Variants in CNKSR2 observed in about 807,000 individuals in gnomAD.
CNKSR2 encodes the protein CNK homolog protein 2.
Under a neutral mutation model 84.4 loss-of-function variants are expected in CNKSR2, and 14 were observed. The ratio of observed to expected loss-of-function variants is 0.17; its 90% CI spans 0.11 to 0.26. CNKSR2 has a LOEUF of 0.26. Ranked by LOEUF, CNKSR2 falls within the 10% of genes least tolerant of loss-of-function variation. The probability of loss-of-function intolerance (pLI) is 1.00; values close to 1 mark genes in which losing one functional copy is unlikely to be tolerated. For missense variants in CNKSR2, 485 were observed against 771.2 expected (o/e 0.63, Z 4.40); for synonymous variants, 275 against 277.9 (o/e 0.99, Z 0.10).
At chrX:21,627,473 T>A (rs375825783) in intron 20 of CNKSR2, among the ~76,000 whole-genome samples, 44 of 111,369 alleles carry the variant, frequency 4.0e-4, no homozygotes, top group African/African-American at 1.4e-3. Flanking sequence ...CACTCCAGCC[T>A]GGGCGACTGA....
At chrX:21,474,661 A>T (rs2091241462) in intron 5 of CNKSR2, among the ~76,000 whole-genome samples, 1 of 111,747 alleles carries the variant, frequency 8.9e-6, no homozygotes, top group African/African-American at 3.3e-5. Context: ...TAGCTGGAGA[A>T]AAAAGTGGGC....
intron 9 of CNKSR2, among the ~76,000 whole-genome samples, chrX:21,521,057 A>G (rs1395809705): frequency 9.0e-6 from 1 of 110,536 alleles, no homozygotes; most frequent in African/African-American, 3.3e-5. Flanking sequence ...ATTTGATTTC[A>G]TATACATAGA....
chrX:21,375,191 G>GC (rs1416394964), intron 1 of CNKSR2, among the ~76,000 whole-genome samples: 3 of 113,026 alleles, frequency 2.7e-5, no homozygotes, highest in African/African-American at 9.6e-5. Flanking sequence ...AGGGCAGCGG[G>GC]CGCCACCCCG....
At chrX:21,623,062 A>G (rs2092608649) in intron 20 of CNKSR2, among the ~76,000 whole-genome samples, 1 of 111,072 alleles carries the variant, frequency 9.0e-6, no homozygotes, top group South Asian at 3.8e-4. Flanking sequence ...TTACAGATCT[A>G]GTAAGAGTAA....
At chrX:21,414,532 C>G (rs1307269181) in intron 1 of CNKSR2, among the ~76,000 whole-genome samples, 3 of 110,127 alleles carry the variant, frequency 2.7e-5, no homozygotes, top group Non-Finnish European at 5.7e-5. Context: ...TGTCTCTTCA[C>G]TTTGTTGACT....
At chrX:21,620,293 T>A (rs1366037266) in intron 20 of CNKSR2, among the ~76,000 whole-genome samples, 1 of 110,526 alleles carries the variant, frequency 9.0e-6, no homozygotes, top group Non-Finnish European at 1.9e-5. Flanking sequence ...TTTGTAAGCA[T>A]CTTTTTTTAA....
chrX:21,626,577 G>A (rs1447520480), intron 20 of CNKSR2, among the ~76,000 whole-genome samples: 1 of 111,981 alleles, frequency 8.9e-6, no homozygotes, highest in Non-Finnish European at 1.9e-5. Flanking sequence ...GAGGCAAAAT[G>A]TTACCTTCTC....
intron 6 of CNKSR2, chrX:21,493,457 A>G (rs1025008804): frequency 8.9e-6 from 1 of 111,893 alleles, no homozygotes; most frequent in Non-Finnish European, 1.9e-5. Context: ...CTGTTGGTTA[A>G]CCAACATTTG....
intron 20 of CNKSR2, among the ~76,000 whole-genome samples, chrX:21,617,917 CCA>C (rs1477144196): frequency 3.6e-5 from 3 of 83,427 alleles, no homozygotes; most frequent in African/African-American, 8.9e-5. Context: ...ACACACCCCC[CCA>C]CACACACACC....
At chrX:21,416,642 C>G (rs2090426338) in intron 1 of CNKSR2, among the ~76,000 whole-genome samples, 1 of 111,009 alleles carries the variant, frequency 9.0e-6, no homozygotes, top group African/African-American at 3.3e-5. Flanking sequence ...TTTTGGATTT[C>G]TTTATGGTTC....
intron 9 of CNKSR2, 147 bp downstream of exon 9, chrX:21,516,778 C>A: frequency 4.6e-6 from 2 of 436,041 alleles, no homozygotes. Context: ...CTCTTCACAG[C>A]TATTCTAATA....
intron 8 of CNKSR2, among the ~76,000 whole-genome samples, chrX:21,512,406 G>A (rs1242906035): frequency 1.8e-5 from 2 of 111,863 alleles, no homozygotes; most frequent in Non-Finnish European, 3.8e-5. Context: ...GAACCACATT[G>A]AAGAAAAGTA....
intron 1 of CNKSR2, among the ~76,000 whole-genome samples, chrX:21,388,251 T>A (rs1424294062): frequency 8.9e-6 from 1 of 111,911 alleles, no homozygotes. Flanking sequence ...AGTGTTAAAA[T>A]CAGAAGTTGT....
chrX:21,412,686 A>G (rs766561359), intron 1 of CNKSR2, among the ~76,000 whole-genome samples: 1 of 111,771 alleles, frequency 8.9e-6, no homozygotes, highest in East Asian at 2.8e-4. Flanking sequence ...ACATAGGTGG[A>G]CATAGCATTC....
intron 8 of CNKSR2, chrX:21,504,791 G>T (rs751335075): frequency 3.4e-6 from 1 of 293,783 alleles, no homozygotes; most frequent in South Asian, 2.1e-4. Flanking sequence ...GTTATAAGTG[G>T]CTTTTAAGTT....
intron 20 of CNKSR2, among the ~76,000 whole-genome samples, chrX:21,620,856 G>A (rs1317799338): frequency 9.0e-6 from 1 of 110,947 alleles, no homozygotes; most frequent in Admixed American, 9.6e-5. Context: ...TATAACTTAC[G>A]AGTTTAGTGG....
chrX:21,585,702 A>G (rs1429709009), intron 13 of CNKSR2, among the ~76,000 whole-genome samples: 1 of 111,488 alleles, frequency 9.0e-6, no homozygotes, highest in Non-Finnish European at 1.9e-5. Flanking sequence ...TCAGTGAAGA[A>G]GTCCTGGCTA....
At chrX:21,630,116 C>T (rs913340325) in intron 20 of CNKSR2, among the ~76,000 whole-genome samples, 4 of 111,853 alleles carry the variant, frequency 3.6e-5, no homozygotes, top group African/African-American at 1.3e-4. Context: ...GATGATACCT[C>T]TCTGTTAAAG....
chrX:21,608,862 A>G (rs927869915), intron 19 of CNKSR2, among the ~76,000 whole-genome samples: 1 of 112,170 alleles, frequency 8.9e-6, no homozygotes, highest in South Asian at 3.8e-4. Flanking sequence ...AGACCTTGGT[A>G]TAGCCGCATT....
Sources: gnomAD v4.1 joint callset for allele counts (sites outside exome capture counted in the v4.1 genomes callset) on GRCh38, gnomAD v4.1.1 for gene constraint, MANE v1.5 for transcripts, NCBI Gene and HGNC (gene_info 2026-07-23, HGNC 2026-07-21) for gene names.